The following FBXW10B variants were observed in gnomAD, a reference collection of about 807,000 sequenced individuals.
FBXW10B encodes F-box and WD repeat domain containing protein 10B.
chr17:15,595,515 G>A, the FBXW10B span, among the ~76,000 whole-genome samples: 1 of 152,090 alleles, frequency 6.6e-6, no homozygotes, highest in Admixed American at 6.5e-5. Context: ...ACTAGAGAGG[G>A]CCAGAAATCA....
At chr17:15,590,642 C>G in the FBXW10B span, among the ~76,000 whole-genome samples, 1 of 149,756 alleles carries the variant, frequency 6.7e-6, no homozygotes, top group Non-Finnish European at 1.5e-5. Flanking sequence ...TGACTTGACC[C>G]CAATTCCCTC....
chr17:15,604,085 A>G, the FBXW10B span, among the ~76,000 whole-genome samples: 1 of 150,360 alleles, frequency 6.7e-6, no homozygotes, highest in East Asian at 2.0e-4. Flanking sequence ...ATCTCAAAAA[A>G]AAAAAACAAA....
the FBXW10B span, among the ~76,000 whole-genome samples, chr17:15,601,211 C>T: frequency 4.7e-5 from 7 of 149,192 alleles, no homozygotes; most frequent in Non-Finnish European, 8.9e-5. Flanking sequence ...AGATCGAGAC[C>T]ATCCTGGCTA....
chr17:15,577,339 T>C, the FBXW10B span, among the ~76,000 whole-genome samples: 1 of 152,126 alleles, frequency 6.6e-6, no homozygotes, highest in African/African-American at 2.4e-5. Context: ...TGCTTAGTCA[T>C]TACAATGGTT....
the FBXW10B span, among the ~76,000 whole-genome samples, chr17:15,607,966 A>G: frequency 4.1e-4 from 62 of 150,772 alleles, 1 homozygote; most frequent in Admixed American, 3.6e-3. Flanking sequence ...AATGTCACCA[A>G]TAACACAACT....
chr17:15,568,786 T>A, the FBXW10B span: 1 of 1,093,070 alleles, frequency 9.1e-7, no homozygotes, highest in Admixed American at 4.3e-5. Context: ...CAGGCACCTA[T>A]AAGCCATCCT....
chr17:15,607,501 C>G, the FBXW10B span: 4 of 1,385,942 alleles, frequency 2.9e-6, no homozygotes, highest in Admixed American at 5.8e-5. Context: ...ACACAAAGGT[C>G]AGGGAAATCC....
chr17:15,603,002 G>A, the FBXW10B span, among the ~76,000 whole-genome samples: 1 of 128,772 alleles, frequency 7.8e-6, no homozygotes, highest in Non-Finnish European at 1.6e-5. Context: ...TCCTGCCTCA[G>A]CCTTCCTGAG....
chr17:15,581,590 GAT>G, the FBXW10B span, among the ~76,000 whole-genome samples: 29 of 151,176 alleles, frequency 1.9e-4, no homozygotes, highest in Admixed American at 4.6e-4. Flanking sequence ...CATGCCAAGA[GAT>G]ATATAATGAA....
chr17:15,613,792 G>A, the FBXW10B span: 23 of 1,611,220 alleles, frequency 1.4e-5, no homozygotes, highest in Middle Eastern at 1.6e-4. Context: ...TGGGCCAAGA[G>A]GGGAGGTGTC....
the FBXW10B span, chr17:15,615,592 C>A: frequency 6.2e-7 from 1 of 1,607,944 alleles, no homozygotes; most frequent in Non-Finnish European, 8.5e-7. Context: ...GGATTACAGG[C>A]GTGAGCCACC....
chr17:15,584,828 CT>C, the FBXW10B span, among the ~76,000 whole-genome samples: 2 of 152,192 alleles, frequency 1.3e-5, no homozygotes, highest in Non-Finnish European at 2.9e-5. Context: ...AGGTCAGAAA[CT>C]AAACTTACAC....
the FBXW10B span, among the ~76,000 whole-genome samples, chr17:15,601,378 T>C: frequency 2.6e-4 from 33 of 124,726 alleles, no homozygotes; most frequent in South Asian, 2.4e-4. Flanking sequence ...TACCGCACTC[T>C]AGCCTGGGCG....
the FBXW10B span, among the ~76,000 whole-genome samples, chr17:15,581,625 T>C: frequency 2.0e-5 from 3 of 151,272 alleles, no homozygotes; most frequent in African/African-American, 7.3e-5. Flanking sequence ...GTGGATGACC[T>C]AACCAGGCCG....
At chr17:15,593,229 A>T in the FBXW10B span, 5 of 1,556,536 alleles carry the variant, frequency 3.2e-6, no homozygotes, top group Non-Finnish European at 4.4e-6. Context: ...GGCATTGCAC[A>T]CTCTCTCCTC....
At chr17:15,587,276 C>G in the FBXW10B span, among the ~76,000 whole-genome samples, 7 of 151,334 alleles carry the variant, frequency 4.6e-5, no homozygotes, top group African/African-American at 1.7e-4. Context: ...GAAGAGATGG[C>G]CCAGGAACAG....
the FBXW10B span, chr17:15,572,374 A>T: frequency 6.6e-6 from 1 of 152,238 alleles, no homozygotes; most frequent in East Asian, 1.9e-4. Context: ...GAGTTATGTG[A>T]GAAAACGACT....
chr17:15,618,968 C>T, the FBXW10B span: 1 of 1,597,590 alleles, frequency 6.3e-7, no homozygotes, highest in East Asian at 2.2e-5. Flanking sequence ...GCCTTCTGGT[C>T]TTCGGGGGCC....
chr17:15,574,018 T>A, the FBXW10B span: 1 of 639,778 alleles, frequency 1.6e-6, no homozygotes, highest in Non-Finnish European at 2.8e-6. Flanking sequence ...TGCTGATTCC[T>A]GCCAGCAGTC....
Sources: allele counts gnomAD v4.1 joint callset (sites outside exome capture counted in the v4.1 genomes callset), GRCh38; gene constraint gnomAD v4.1.1; transcripts MANE v1.5; gene names NCBI Gene and HGNC (gene_info 2026-07-23, HGNC 2026-07-21).